The following TCF12 variants were observed in gnomAD, a reference collection of about 807,000 sequenced individuals.
TCF12 encodes the protein DNA-binding protein HTF4.
A neutral mutation model predicts 86.0 loss-of-function variants in TCF12; 45 were observed. The observed-to-expected ratio is 0.52, with a 90% CI of 0.41 to 0.67. The LOEUF (loss-of-function observed/expected upper bound fraction) is 0.67. Ranked by LOEUF, TCF12 falls within the 30% of genes least tolerant of loss-of-function variation. TCF12 has a pLI of 0.00. For synonymous variants in TCF12, 330 were observed against 299.6 expected (o/e 1.10, Z -1.05); for missense variants, 881 against 859.9 (o/e 1.02, Z -0.31).
chr15:57,166,327 A>G, intron 5 of TCF12, 75 bp from the exon 6 acceptor site: 1 of 1,192,622 alleles, frequency 8.4e-7, no homozygotes, highest in Non-Finnish European at 1.2e-6. Context: ...TATAATTACC[A>G]TGAATAGTCT....
At chr15:57,118,174 C>T (rs2615235) in intron 5 of TCF12, among the ~76,000 whole-genome samples, 1 of 152,180 alleles carries the variant, frequency 6.6e-6, no homozygotes, top group Non-Finnish European at 1.5e-5. Context: ...TGTGTTCTTT[C>T]TAAGCACAGA....
intron 8 of TCF12, among the ~76,000 whole-genome samples, chr15:57,217,717 C>T (rs1370588048): frequency 1.3e-5 from 2 of 152,030 alleles, no homozygotes; most frequent in South Asian, 2.1e-4. Flanking sequence ...AATTTTGATT[C>T]GATTTTGTTT....
At chr15:57,168,836 A>G (rs941258184) in intron 6 of TCF12, among the ~76,000 whole-genome samples, 1 of 152,184 alleles carries the variant, frequency 6.6e-6, no homozygotes, top group South Asian at 2.1e-4. Flanking sequence ...GCCTGAGGTC[A>G]GGAGTTTGAG....
intron 3 of TCF12, among the ~76,000 whole-genome samples, chr15:56,969,768 T>C (rs1250470279): frequency 3.3e-5 from 5 of 152,116 alleles, no homozygotes; most frequent in Non-Finnish European, 7.4e-5. Context: ...GAGTGGGAGT[T>C]ATCAATTTGG....
At chr15:57,106,324 G>T (rs1166499906) in intron 5 of TCF12, among the ~76,000 whole-genome samples, 1 of 30,792 alleles carries the variant, frequency 3.2e-5, no homozygotes, top group African/African-American at 5.7e-5. Context: ...GCGTGGTTAC[G>T]TAAGATGGTA....
intron 8 of TCF12, among the ~76,000 whole-genome samples, chr15:57,200,166 C>A (rs2057469393): frequency 6.6e-6 from 1 of 151,530 alleles, no homozygotes; most frequent in Non-Finnish European, 1.5e-5. Context: ...TAGGTGCGAG[C>A]CACCACACCC....
chr15:57,124,125 G>A (rs983772763), intron 5 of TCF12, among the ~76,000 whole-genome samples: 1 of 151,930 alleles, frequency 6.6e-6, no homozygotes, highest in Non-Finnish European at 1.5e-5. Context: ...TAATTCTTGA[G>A]TCTCTCCTCT....
chr15:57,169,695 G>A (rs1644632353), intron 6 of TCF12, among the ~76,000 whole-genome samples: 1 of 152,044 alleles, frequency 6.6e-6, no homozygotes, highest in Non-Finnish European at 1.5e-5. Context: ...CTTGAGGGGG[G>A]AGAAAACACT....
intron 3 of TCF12, among the ~76,000 whole-genome samples, chr15:57,033,814 C>T (rs1241255457): frequency 2.6e-5 from 4 of 152,110 alleles, no homozygotes; most frequent in African/African-American, 4.8e-5. Context: ...AGGGATTATA[C>T]AGGTCCAAAA....
chr15:56,998,783 C>T (rs535865737), intron 3 of TCF12, among the ~76,000 whole-genome samples: 3 of 152,206 alleles, frequency 2.0e-5, no homozygotes, highest in South Asian at 2.1e-4. Context: ...GTATCTCGGT[C>T]TTAATACAAA....
At chr15:57,218,930 A>T (rs1487904270) in intron 8 of TCF12, 1 of 634,548 alleles carries the variant, frequency 1.6e-6, no homozygotes, top group African/African-American at 2.0e-5. Flanking sequence ...TGCTTTCTCC[A>T]GGAAGTGATT....
At chr15:57,183,109 T>G (rs887520192) in intron 6 of TCF12, among the ~76,000 whole-genome samples, 42 of 151,984 alleles carry the variant, frequency 2.8e-4, no homozygotes, top group African/African-American at 9.2e-4. Context: ...TATTAGGGAG[T>G]CCTCAATATT....
rs1239867736 is a variant in TCF12 at position 57,242,543 on chromosome 15, C to T, written c.1036-929C>T. ...TTAGCTCGGCATGGTGGCATGCACT[C>T]GTAGTCTGAGCTACTAGGGAAGCTG... On this transcript the variant is annotated intron_variant, in intron 12 of 20. Transcript: ENST00000333725. Among the ~76,000 whole-genome samples, 74 of 152,178 alleles carry T rather than the reference C, an allele frequency of 4.9e-4. 2 individuals carry two copies. Among genetic ancestry groups the T allele is most frequent in the South Asian group, 2.1e-4 (1 of 4,808 alleles).
chr15:57,086,722 AAAAG>A (rs1388963827), intron 4 of TCF12, among the ~76,000 whole-genome samples: 30 of 151,392 alleles, frequency 2.0e-4, no homozygotes, highest in African/African-American at 7.0e-4. Flanking sequence ...AAAAAAAAAA[AAAAG>A]GCCATTGAAA....
At chr15:56,924,832 T>C (rs1212105220) in intron 3 of TCF12, among the ~76,000 whole-genome samples, 1 of 152,156 alleles carries the variant, frequency 6.6e-6, no homozygotes, top group Non-Finnish European at 1.5e-5. Flanking sequence ...AAACTCATAC[T>C]TGGAAAACAT....
chr15:57,165,801 G>T (rs2054849838), intron 5 of TCF12, among the ~76,000 whole-genome samples: 1 of 152,178 alleles, frequency 6.6e-6, no homozygotes, highest in South Asian at 2.1e-4. Context: ...CTCCCAAAGT[G>T]CTGGGATTAC....
At chr15:57,104,865 T>TG (rs2050030857) in intron 5 of TCF12, among the ~76,000 whole-genome samples, 1 of 123,866 alleles carries the variant, frequency 8.1e-6, no homozygotes, top group Admixed American at 7.9e-5. Context: ...GGTGGTGTTT[T>TG]TTTTTTTTTT....
intron 3 of TCF12, among the ~76,000 whole-genome samples, chr15:57,062,831 A>G (rs1161678062): frequency 2.0e-5 from 3 of 152,316 alleles, no homozygotes; most frequent in East Asian, 1.9e-4. Flanking sequence ...GAAGTCAACT[A>G]TTTCTGTGTT....
chr15:56,939,454 A>G (rs892471913), intron 3 of TCF12, among the ~76,000 whole-genome samples: 1 of 152,166 alleles, frequency 6.6e-6, no homozygotes, highest in East Asian at 1.9e-4. Context: ...AATATTGAAC[A>G]AAGTATTTCT....
Sources: gnomAD v4.1 joint callset for allele counts (sites outside exome capture counted in the v4.1 genomes callset) on GRCh38, gnomAD v4.1.1 for gene constraint, MANE v1.5 for transcripts, NCBI Gene and HGNC (gene_info 2026-07-23, HGNC 2026-07-21) for gene names.